Variants in CSMD1 observed in about 807,000 individuals in gnomAD.
CSMD1 encodes the protein CUB and Sushi multiple domains 1.
CSMD1 carries 213 observed loss-of-function variants against 417.5 expected under a neutral mutation model. The ratio of observed to expected loss-of-function variants is 0.51; its 90% CI spans 0.46 to 0.57. CSMD1 has a LOEUF of 0.57. Ranked by LOEUF, CSMD1 falls within the 20% of genes least tolerant of loss-of-function variation. The pLI, the probability that CSMD1 is intolerant of heterozygous loss-of-function variation, is 0.00. For synonymous variants in CSMD1, 2,862 were observed against 1,736.8 expected (o/e 1.65, Z -16.11); for missense variants, 6,923 against 4,529.7 (o/e 1.53, Z -15.17).
intron 1 of CSMD1, among the ~76,000 whole-genome samples, chr8:4,849,831 T>A (rs1366695104): frequency 6.6e-6 from 1 of 152,216 alleles, no homozygotes; most frequent in Non-Finnish European, 1.5e-5. Flanking sequence ...TTTCTCAGAA[T>A]ATTTCCTCAT....
At chr8:4,147,865 G>A (rs1448501261) in intron 3 of CSMD1, among the ~76,000 whole-genome samples, 1 of 152,056 alleles carries the variant, frequency 6.6e-6, no homozygotes, top group Non-Finnish European at 1.5e-5. Flanking sequence ...TGGTAGCTGA[G>A]CTTCATGGAA....
intron 2 of CSMD1, among the ~76,000 whole-genome samples, chr8:4,630,725 C>G (rs1371924339): frequency 1.3e-5 from 2 of 152,128 alleles, no homozygotes; most frequent in African/African-American, 2.4e-5. Context: ...GGTGCCCTCA[C>G]TAAGGTACAA....
At chr8:4,227,379 T>C (rs1250864834) in intron 3 of CSMD1, among the ~76,000 whole-genome samples, 1 of 152,078 alleles carries the variant, frequency 6.6e-6, no homozygotes, top group African/African-American at 2.4e-5. Flanking sequence ...TTAAGAACCC[T>C]ATTCTATCCA....
chr8:4,089,981 T>C (rs534485524), intron 3 of CSMD1, among the ~76,000 whole-genome samples: 1 of 152,212 alleles, frequency 6.6e-6, no homozygotes, highest in Non-Finnish European at 1.5e-5. Flanking sequence ...AATGCCGCTA[T>C]AATGGAAACC....
chr8:3,870,966 C>A (rs1805444549), intron 5 of CSMD1, among the ~76,000 whole-genome samples: 1 of 151,270 alleles, frequency 6.6e-6, no homozygotes, highest in Non-Finnish European at 1.5e-5. Flanking sequence ...GTTTTATATT[C>A]TTAAATATAA....
intron 3 of CSMD1, among the ~76,000 whole-genome samples, chr8:4,093,561 C>A (rs7008378): frequency 0.63 from 96,008 of 152,010 alleles, 30,815 homozygotes; most frequent in East Asian, 0.81. Flanking sequence ...TTATATAGAA[C>A]ACCACATTGA....
chr8:3,649,207 G>A (rs1431849458), intron 7 of CSMD1, among the ~76,000 whole-genome samples: 1 of 152,092 alleles, frequency 6.6e-6, no homozygotes, highest in East Asian at 1.9e-4. Flanking sequence ...GATACCATAA[G>A]TCTTCCGATA....
At chr8:4,854,863 G>A (rs1300902849) in intron 1 of CSMD1, among the ~76,000 whole-genome samples, 2 of 152,310 alleles carry the variant, frequency 1.3e-5, no homozygotes, top group East Asian at 3.9e-4. Context: ...GCCCAGGCTT[G>A]CTTAGGTAAA....
chr8:4,779,254 AT>A (rs550894791), intron 1 of CSMD1, among the ~76,000 whole-genome samples: 73 of 152,028 alleles, frequency 4.8e-4, no homozygotes, highest in Admixed American at 4.3e-3. Flanking sequence ...AGAAATTGAC[AT>A]TACTTCTGAA....
intron 5 of CSMD1, among the ~76,000 whole-genome samples, chr8:3,839,292 A>C (rs1261397226): frequency 8.1e-6 from 1 of 124,152 alleles, no homozygotes; most frequent in Non-Finnish European, 1.6e-5. Context: ...TATTAATTAT[A>C]TATACTATTA....
Position 3,573,002 on chromosome 8 carries a change from T to C in CSMD1, c.1344+1943A>G, listed in dbSNP as rs547430185. On this transcript the variant is annotated intron_variant, in intron 10 of 69. Transcript: ENST00000635120. ...AATTATCAATAAACTAGTTATATAC[T>C]ATATAATTTTAATTCAAATTGAAAT... Among the ~76,000 whole-genome samples the C allele has an allele frequency of 2.1e-3, 317 of 148,448 alleles. 2 individuals are homozygous for C. Among genetic ancestry groups the C allele is most frequent in the African/African-American group, 7.8e-3 (305 of 39,318 alleles).
intron 20 of CSMD1, among the ~76,000 whole-genome samples, chr8:3,365,440 T>A (rs1287345605): frequency 6.6e-6 from 1 of 152,232 alleles, no homozygotes; most frequent in Admixed American, 6.5e-5. Flanking sequence ...CACTAGTTAG[T>A]AGGCAATTGT....
intron 3 of CSMD1, among the ~76,000 whole-genome samples, chr8:4,133,321 A>G (rs968243126): frequency 6.6e-6 from 1 of 152,258 alleles, no homozygotes; most frequent in Non-Finnish European, 1.5e-5. Context: ...AATGAGGACA[A>G]ATAATGATAG....
intron 10 of CSMD1, among the ~76,000 whole-genome samples, chr8:3,547,457 G>A (rs530618369): frequency 6.6e-6 from 1 of 152,238 alleles, no homozygotes; most frequent in Admixed American, 6.5e-5. Flanking sequence ...CGGATCAGTA[G>A]GTCAATGATT....
At chr8:3,194,364 C>G (rs776494484) in intron 33 of CSMD1, among the ~76,000 whole-genome samples, 1 of 151,532 alleles carries the variant, frequency 6.6e-6, no homozygotes, top group Non-Finnish European at 1.5e-5. Context: ...AAAAATATTT[C>G]TGTGTTTTTA....
intron 2 of CSMD1, among the ~76,000 whole-genome samples, chr8:4,572,540 G>T (rs750314970): frequency 2.6e-5 from 4 of 152,132 alleles, no homozygotes; most frequent in Non-Finnish European, 5.9e-5. Context: ...CTCTCTAGCT[G>T]CCCTTAGCAT....
At chr8:3,778,717 T>C (rs1178503405) in intron 5 of CSMD1, among the ~76,000 whole-genome samples, 3 of 152,322 alleles carry the variant, frequency 2.0e-5, no homozygotes, top group East Asian at 1.9e-4. Context: ...CGAGCACCGC[T>C]TCCTTTCTGC....
chr8:3,830,115 G>A (rs912249933), intron 5 of CSMD1, among the ~76,000 whole-genome samples: 2 of 152,140 alleles, frequency 1.3e-5, no homozygotes, highest in South Asian at 2.1e-4. Context: ...CTAAAGTGAA[G>A]GAGAGTAATT....
chr8:3,882,044 C>G (rs1422588089), intron 5 of CSMD1, among the ~76,000 whole-genome samples: 1 of 151,770 alleles, frequency 6.6e-6, no homozygotes, highest in Admixed American at 6.6e-5. Context: ...AAGGTATTAA[C>G]AATAAAAGAA....
Sources: allele counts gnomAD v4.1 joint callset (sites outside exome capture counted in the v4.1 genomes callset), GRCh38; gene constraint gnomAD v4.1.1; transcripts MANE v1.5; gene names NCBI Gene and HGNC (gene_info 2026-07-23, HGNC 2026-07-21).